The following RABGAP1L variants were observed in gnomAD, a reference collection of about 807,000 sequenced individuals.
RABGAP1L encodes the protein rab GTPase-activating protein 1-like.
In RABGAP1L, 63 loss-of-function variants were observed where a neutral mutation model predicts 137.7. That is an observed-to-expected ratio of 0.46 (90% CI 0.37 to 0.56). The LOEUF (loss-of-function observed/expected upper bound fraction) is 0.56. Ranked by LOEUF, RABGAP1L falls within the 20% of genes least tolerant of loss-of-function variation. RABGAP1L has a pLI of 0.00. For missense variants in RABGAP1L, 1,095 were observed against 1,244.0 expected (o/e 0.88, Z 1.80); for synonymous variants, 431 against 433.7 (o/e 0.99, Z 0.08).
chr1:174,532,847 A>G (rs770038079), intron 13 of RABGAP1L, among the ~76,000 whole-genome samples: 40 of 152,248 alleles, frequency 2.6e-4, no homozygotes, highest in Non-Finnish European at 4.7e-4. Context: ...CACTAATACC[A>G]CTTATAACAA....
chr1:174,655,766 A>G (rs1247238188), intron 14 of RABGAP1L, among the ~76,000 whole-genome samples: 1 of 152,106 alleles, frequency 6.6e-6, no homozygotes, highest in African/African-American at 2.4e-5. Context: ...CCTTGCTATC[A>G]TTATTTGTTT....
At chr1:174,813,308 A>G (rs1434839409) in intron 19 of RABGAP1L, among the ~76,000 whole-genome samples, 1 of 152,176 alleles carries the variant, frequency 6.6e-6, no homozygotes, top group African/African-American at 2.4e-5. Flanking sequence ...AAAGAGAACC[A>G]ATAAGATTTC....
At chr1:174,936,971 A>T (rs1188236510) in intron 19 of RABGAP1L, among the ~76,000 whole-genome samples, 4 of 101,550 alleles carry the variant, frequency 3.9e-5, no homozygotes, top group African/African-American at 1.3e-4. Context: ...TATAAGATTA[A>T]TTTTTTTTTT....
Position 174,957,608 on chromosome 1 carries a change from A to G in RABGAP1L, c.2433+59A>G. On this transcript the variant is annotated intron_variant, in intron 20 of 25. Transcript: ENST00000681986. ...TTCTTTTTTGTTTTAAATGAGACTG[A>G]GTCTTGCCGTGTTGCCCAGGCTGGT... The G allele has an allele frequency of 2.8e-6, 4 of 1,426,104 alleles. No individual in the cohort carries two copies. The East Asian group carries it at 9.8e-5, about 35-fold the overall frequency. The allele number at this position is 1,426,104 out of a possible 1,614,324, so 88.3% of individuals were successfully genotyped here. A position where few individuals can be genotyped will look rare whatever the true frequency, so the allele number is the denominator to read the frequency against.
intron 18 of RABGAP1L, among the ~76,000 whole-genome samples, chr1:174,787,338 G>A (rs989468776): frequency 6.6e-6 from 1 of 150,928 alleles, no homozygotes; most frequent in Non-Finnish European, 1.5e-5. Context: ...GGGAGGTGGA[G>A]ATTGCAGTGA....
intron 20 of RABGAP1L, among the ~76,000 whole-genome samples, chr1:174,959,642 T>C (rs1668908758): frequency 6.6e-6 from 1 of 152,198 alleles, no homozygotes; most frequent in Non-Finnish European, 1.5e-5. Flanking sequence ...TTTACACATA[T>C]CGGATACCCT....
At chr1:174,563,952 G>C (rs754181482) in intron 13 of RABGAP1L, among the ~76,000 whole-genome samples, 19 of 152,010 alleles carry the variant, frequency 1.2e-4, no homozygotes, top group South Asian at 6.2e-4. Context: ...AAAAAATTAT[G>C]CCTTTTTCAA....
At chr1:174,466,259 T>C (rs560197634) in intron 13 of RABGAP1L, among the ~76,000 whole-genome samples, 2 of 152,352 alleles carry the variant, frequency 1.3e-5, no homozygotes, top group East Asian at 3.9e-4. Flanking sequence ...TTTTAATAGA[T>C]TTAGAAAGCT....
At chr1:174,620,900 A>G (rs1408664209) in intron 13 of RABGAP1L, among the ~76,000 whole-genome samples, 5 of 152,184 alleles carry the variant, frequency 3.3e-5, no homozygotes, top group Admixed American at 6.5e-5. Context: ...AGACTAATAA[A>G]GAAGAAAAGA....
At chr1:174,672,550 A>G (rs971971411) in intron 14 of RABGAP1L, among the ~76,000 whole-genome samples, 1 of 151,772 alleles carries the variant, frequency 6.6e-6, no homozygotes, top group Non-Finnish European at 1.5e-5. Context: ...GAGATCCAAG[A>G]TTAGGTTTTT....
chr1:174,602,360 G>T (rs922098816), intron 13 of RABGAP1L, among the ~76,000 whole-genome samples: 2 of 152,120 alleles, frequency 1.3e-5, no homozygotes, highest in African/African-American at 4.8e-5. Context: ...TGATAAACCC[G>T]TTAGATCTCG....
chr1:174,284,666 A>G (rs529233860), intron 10 of RABGAP1L, among the ~76,000 whole-genome samples: 4 of 148,288 alleles, frequency 2.7e-5, no homozygotes, highest in Non-Finnish European at 4.4e-5. Flanking sequence ...CATACTGGCT[A>G]TACCAGTTTA....
At chr1:174,869,729 G>A (rs1436622051) in intron 19 of RABGAP1L, among the ~76,000 whole-genome samples, 1 of 151,992 alleles carries the variant, frequency 6.6e-6, no homozygotes, top group African/African-American at 2.4e-5. Flanking sequence ...ATTAAGAGAC[G>A]GGATCTTTGA....
rs551153015 is a variant in RABGAP1L, at chr1:174,604,578, C to G, written c.1711-32797C>G. On this transcript the variant is annotated intron_variant, in intron 13 of 25. Coordinates refer to ENST00000681986, the MANE Select transcript of RABGAP1L (RefSeq NM_001366446.1). ...GTGGATAGTTGTTCGATTTGGTATT[C>G]CTGTGGAGGGGATAATCATTAGAGG... 3.7e-3 allele frequency among the ~76,000 whole-genome samples: 563 copies of G among 152,200 alleles called. 4 individuals carry two copies. Among genetic ancestry groups the G allele is most frequent in the Non-Finnish European group, 6.0e-3 (406 of 68,014 alleles).
At chr1:174,970,818 A>G (rs1670066885) in intron 21 of RABGAP1L, among the ~76,000 whole-genome samples, 1 of 152,102 alleles carries the variant, frequency 6.6e-6, no homozygotes, top group Non-Finnish European at 1.5e-5. Flanking sequence ...TAGAAATATT[A>G]TTTTATCTAT....
intron 19 of RABGAP1L, among the ~76,000 whole-genome samples, chr1:174,933,295 T>C (rs1019331970): frequency 7.2e-5 from 11 of 152,168 alleles, no homozygotes; most frequent in African/African-American, 2.7e-4. Context: ...GTTACCCTCT[T>C]CACCCTGTTA....
intron 18 of RABGAP1L, among the ~76,000 whole-genome samples, chr1:174,763,860 A>G (rs1685455858): frequency 7.1e-6 from 1 of 140,258 alleles, no homozygotes; most frequent in South Asian, 2.3e-4. Context: ...AAAAAAAAAA[A>G]GTACAATTAG....
intron 11 of RABGAP1L, among the ~76,000 whole-genome samples, chr1:174,318,622 T>TTC (rs201871281): frequency 4.1e-5 from 6 of 148,010 alleles, no homozygotes; most frequent in Non-Finnish European, 8.9e-5. Context: ...CTTTCTTTCT[T>TTC]TCTTTCTTTC....
rs535048035 is a variant in RABGAP1L, at chr1:174,183,692, T to C, written c.-34+24035T>C. On this transcript the variant is annotated intron_variant, in intron 1 of 25. Coordinates refer to ENST00000681986, the MANE Select transcript of RABGAP1L (RefSeq NM_001366446.1). ...CATTCTATGGGTTTTGACAAATGTA[T>C]AGTGACGTGTGTCCACCATTATTAG... Among the ~76,000 whole-genome samples the C allele has an allele frequency of 6.6e-4, 100 of 152,310 alleles. No homozygotes were observed. The Middle Eastern group carries it at 0.02, about 31-fold the overall frequency.
Sources: gnomAD v4.1 joint callset for allele counts (sites outside exome capture counted in the v4.1 genomes callset) on GRCh38, gnomAD v4.1.1 for gene constraint, MANE v1.5 for transcripts, NCBI Gene and HGNC (gene_info 2026-07-23, HGNC 2026-07-21) for gene names.